ZNF462: variants seen among roughly 807,000 people sequenced by gnomAD.
ZNF462 encodes zinc finger protein 462, also known as zinc finger PBX1-interacting protein.
A neutral mutation model predicts 201.9 loss-of-function variants in ZNF462; 10 were observed. The observed-to-expected ratio is 0.05, with a 90% CI of 0.03 to 0.08. The LOEUF is 0.08. Ranked by LOEUF, ZNF462 falls within the 10% of genes least tolerant of loss-of-function variation. The pLI is 1.00. For synonymous variants in ZNF462, 1,227 were observed against 1,193.3 expected (o/e 1.03, Z -0.58); for missense variants, 2,523 against 3,168.3 (o/e 0.80, Z 4.89).
rs1830358763 is a variant in ZNF462, at chr9:106,930,015, T to G, written c.5847+256T>G. On this transcript the variant is annotated intron_variant, in intron 3 of 12. Coordinates refer to ENST00000277225, the MANE Select transcript of ZNF462 (RefSeq NM_021224.6). This position sits in a 1 kb window ranked among gnomAD's most constrained non-coding sequence, Gnocchi z 5.8. ...CAGGGGAGGTTTGGGGTGGTTTCTA[T>G]GTATGTCTTTCTGCCAAGTAGCTTT... Among the ~76,000 whole-genome samples, 1 of 152,118 alleles carries G rather than the reference T, an allele frequency of 6.6e-6. No homozygotes were observed. Among genetic ancestry groups the G allele is most frequent in the Non-Finnish European group, 1.5e-5 (1 of 68,018 alleles).
At chr9:106,910,709 T>C (rs1829514082) in intron 1 of ZNF462, among the ~76,000 whole-genome samples, 2 of 152,274 alleles carry the variant, frequency 1.3e-5, no homozygotes, top group African/African-American at 4.8e-5. Flanking sequence ...GTCTATGTTT[T>C]GTCTTTCTTT....
chr9:106,960,252 G>C (rs1831770066), intron 7 of ZNF462, among the ~76,000 whole-genome samples: 1 of 152,012 alleles, frequency 6.6e-6, no homozygotes, highest in African/African-American at 2.4e-5. Flanking sequence ...AATCTTTTAA[G>C]AAATCTCCAC....
Position 106,927,091 on chromosome 9 carries a change from A to G in ZNF462, c.3179A>G (p.Tyr1060Cys). 6.2e-7 allele frequency: 1 copy of G among 1,614,108 alleles called. No homozygotes were observed. The highest frequency in any genetic ancestry group is 8.5e-7 in the Non-Finnish European group (1 of 1,180,022). ...AAACACCCCGAAGAAAAGGCTTCCTACTTTAGGATCCAGAAAACTATGCGA... is the reference window on the plus strand; with the variant it reads ...AAACACCCCGAAGAAAAGGCTTCCTGCTTTAGGATCCAGAAAACTATGCGA... The part of the protein sequence containing the change: ...QKKHPEEKAS[Y>C]FRIQKTMRMV... Residue 1060 changes from tyrosine to cysteine, a missense_variant, in exon 3 of 13, where the codon TAC becomes TGC. Around this residue, in one of 15 missense-constraint regions of ZNF462, gnomAD observed 280 missense variants for 321.3 expected, o/e 0.87. Coordinates refer to ENST00000277225, the MANE Select transcript of ZNF462 (RefSeq NM_021224.6).
Position 107,009,532 on chromosome 9 carries a change from T to C in ZNF462, c.7190-13T>C, listed in dbSNP as rs765424864. ...CACAGCACACAGGTAACACTTCTGC[T>C]TTCTCTTTGCAGAGCTGATGAGATT... On this transcript the variant is annotated splice_polypyrimidine_tract_variant and intron_variant, in intron 11 of 12. Coordinates refer to ENST00000277225, the MANE Select transcript of ZNF462 (RefSeq NM_021224.6). The surrounding 1 kb of genome is among the most constrained non-coding windows in gnomAD (Gnocchi z 6.1). 1.2e-6 allele frequency: 2 copies of C among 1,613,744 alleles called. No homozygotes were observed. Among genetic ancestry groups the C allele is most frequent in the African/African-American group, 1.3e-5 (1 of 74,942 alleles).
chr9:106,867,911 G>A (rs1055155131), intron 1 of ZNF462, among the ~76,000 whole-genome samples: 2 of 152,140 alleles, frequency 1.3e-5, no homozygotes, highest in South Asian at 2.1e-4. Context: ...GATAATTGGA[G>A]AACAGAGATG....
At chr9:106,994,431 C>G (rs1828533981) in intron 10 of ZNF462, among the ~76,000 whole-genome samples, 1 of 151,992 alleles carries the variant, frequency 6.6e-6, no homozygotes. Flanking sequence ...AATCTTTCTC[C>G]AAAGATTCTT....
In ZNF462 at chr9:106,923,489, G is replaced by A. The variant is rs751884199; in HGVS notation, c.106G>A (p.Val36Ile). Residue 36 changes from valine (V) to isoleucine (I), a missense_variant, in exon 2 of 13, where the codon GTT (valine) becomes ATT (isoleucine). Physicochemically the swap from Val to Ile is conservative, Grantham distance 29 (BLOSUM62 3). Around this residue, in one of 15 missense-constraint regions of ZNF462, gnomAD observed 480 missense variants for 544.4 expected, o/e 0.88. Coordinates refer to ENST00000277225, the MANE Select transcript of ZNF462 (RefSeq NM_021224.6). This position sits in a 1 kb window ranked among gnomAD's most constrained non-coding sequence, Gnocchi z 5.6. Reference protein sequence around the residue: ...VHTAFLQPTDVAEDNVNELRC... With the variant: ...VHTAFLQPTDIAEDNVNELRC... ...CACGGCATTTCTGCAGCCAACTGAT[G>A]TTGCTGAGGACAATGTGAATGAGCT... The A allele has an allele frequency of 1.2e-6, 2 of 1,614,228 alleles. No individual in the cohort carries two copies. Among genetic ancestry groups the A allele is most frequent in the Non-Finnish European group, 1.7e-6 (2 of 1,180,050 alleles).
intron 1 of ZNF462, among the ~76,000 whole-genome samples, chr9:106,911,958 A>G (rs1829566339): frequency 6.6e-6 from 1 of 152,228 alleles, no homozygotes; most frequent in African/African-American, 2.4e-5. Flanking sequence ...TGCAGTATAT[A>G]ATTTGAAGCG....
chr9:106,999,709 A>G (rs1463068147), intron 10 of ZNF462, among the ~76,000 whole-genome samples: 1 of 152,202 alleles, frequency 6.6e-6, no homozygotes, highest in Non-Finnish European at 1.5e-5. Context: ...TAATTCATTA[A>G]CAGTTATTAT....
chr9:106,988,731 T>C (rs1456525939), intron 10 of ZNF462, among the ~76,000 whole-genome samples: 6 of 152,144 alleles, frequency 3.9e-5, no homozygotes, highest in Admixed American at 1.3e-4. Flanking sequence ...TGTTTTGTAG[T>C]TTTCCTTGTA....
chr9:106,884,601 A>G (rs2130973624), intron 1 of ZNF462, among the ~76,000 whole-genome samples: 1 of 152,288 alleles, frequency 6.6e-6, no homozygotes, highest in East Asian at 1.9e-4. Flanking sequence ...AATATCTGTC[A>G]TTCATCAGTT....
chr9:106,872,434 A>C lies in ZNF462; in HGVS notation c.-31+9079A>C, dbSNP rs1466021683. Among the ~76,000 whole-genome samples the C allele has an allele frequency of 1.3e-5, 2 of 152,138 alleles. No individual in the cohort carries two copies. The highest frequency in any genetic ancestry group is 4.8e-5 in the African/African-American group (2 of 41,432). On this transcript the variant is annotated intron_variant, in intron 1 of 12. Transcript: ENST00000277225. This position sits in a 1 kb window ranked among gnomAD's most constrained non-coding sequence, Gnocchi z 4.5. ...GCTGGAGTGCAGTGGCACGATCTCC[A>C]CTTAAGCAACTGCTGCCTCCCAGGT... is the stretch of plus-strand genomic sequence containing the variant.
chr9:106,974,730 G>A lies in ZNF462; in HGVS notation c.6832+457G>A. The A allele has an allele frequency of 9.2e-6, 2 of 218,042 alleles. No individual in the cohort carries two copies. Among genetic ancestry groups the A allele is most frequent in the Non-Finnish European group, 1.9e-5 (2 of 107,160 alleles). The allele number at this position is 218,042 out of a possible 1,614,324, so 13.5% of individuals were successfully genotyped here. On this transcript the variant is annotated intron_variant, in intron 9 of 12. Coordinates refer to ENST00000277225, the MANE Select transcript of ZNF462 (RefSeq NM_021224.6). The surrounding 1 kb of genome is among the most constrained non-coding windows in gnomAD (Gnocchi z 4.0). ...ACTTCCCTTGAAATGGTTGAAGGGA[G>A]AGAGAATTCTTTAAAATAATGTATA...
intron 7 of ZNF462, 129 bp from the exon 8 acceptor site, chr9:106,971,876 A>G: frequency 8.5e-7 from 1 of 1,170,930 alleles, no homozygotes; most frequent in Middle Eastern, 2.9e-4. Flanking sequence ...AAGTATAAAC[A>G]ATTTCCGTTT....
chr9:106,964,772 A>G (rs1831995831), intron 7 of ZNF462, among the ~76,000 whole-genome samples: 1 of 152,072 alleles, frequency 6.6e-6, no homozygotes, highest in South Asian at 2.1e-4. Flanking sequence ...ATCTTATAGA[A>G]TATTAATTAA....
At chr9:106,944,500 A>G (rs1455228209) in intron 7 of ZNF462, among the ~76,000 whole-genome samples, 1 of 152,210 alleles carries the variant, frequency 6.6e-6, no homozygotes, top group African/African-American at 2.4e-5. Context: ...ATACATGCAT[A>G]TGATGTGTAA....
chr9:106,995,679 T>G (rs1828652742), intron 10 of ZNF462: 1 of 152,174 alleles, frequency 6.6e-6, no homozygotes, highest in Admixed American at 6.6e-5. Flanking sequence ...AAGTGATACA[T>G]GTAAAAACTA....
At position 106,930,202 on chromosome 9, in the gene ZNF462, A is replaced by G. The variant is rs138555382; in HGVS notation, c.5848-323A>G. Among the ~76,000 whole-genome samples, 330 of 152,290 alleles carry G rather than the reference A, an allele frequency of 2.2e-3. No individual in the cohort carries two copies. The highest frequency in any genetic ancestry group is 7.6e-3 in the African/African-American group (316 of 41,566). On this transcript the variant is annotated intron_variant, in intron 3 of 12. Coordinates refer to ENST00000277225, the MANE Select transcript of ZNF462 (RefSeq NM_021224.6). The surrounding 1 kb of genome is among the most constrained non-coding windows in gnomAD (Gnocchi z 5.8). ...TTTTATTTTATCAAGAAGTTCATTA[A>G]TGGCGCAACTATGCAACGTTTCACC... is the stretch of plus-strand genomic sequence containing the variant.
Position 106,935,920 on chromosome 9 carries a change from A to C in ZNF462, c.6235+299A>C, listed in dbSNP as rs184684589. On this transcript the variant is annotated intron_variant, in intron 6 of 12. Transcript: ENST00000277225. The surrounding 1 kb of genome is among the most constrained non-coding windows in gnomAD (Gnocchi z 4.1). ...TGGTGATTTTTACAGAAATTTCTAA[A>C]CTGCCTATACTTTCTAATTCAATTG... 6.6e-6 allele frequency among the ~76,000 whole-genome samples: 1 copy of C among 152,354 alleles called. No homozygotes were observed. Among genetic ancestry groups the C allele is most frequent in the East Asian group, 1.9e-4 (1 of 5,184 alleles).
Sources: gnomAD v4.1 joint callset for allele counts (sites outside exome capture counted in the v4.1 genomes callset) on GRCh38, gnomAD v4.1.1 for gene constraint, gnomAD v4.1.1 regional missense constraint, Gnocchi (gnomAD v3.1) non-coding constraint, MANE v1.5 for transcripts, NCBI Gene and HGNC (gene_info 2026-07-23, HGNC 2026-07-21) for gene names.